ARK2C: variants seen among roughly 807,000 people sequenced by gnomAD.
ARK2C encodes arkadia (RNF111) C-terminal like ring finger ubiquitin ligase 2C.
chr18:46,336,891 AT>A, the ARK2C span: 4 of 985,426 alleles, frequency 4.1e-6, no homozygotes, highest in Non-Finnish European at 4.8e-6. Context: ...TATTAAAAAA[AT>A]CTTTGATGAA....
chr18:46,453,250 A>G, the ARK2C span, among the ~76,000 whole-genome samples: 1 of 152,250 alleles, frequency 6.6e-6, no homozygotes, highest in Non-Finnish European at 1.5e-5. Context: ...GGTGTCATCT[A>G]CAGGGGAAAA....
the ARK2C span, among the ~76,000 whole-genome samples, chr18:46,442,639 G>C: frequency 2.0e-5 from 3 of 152,206 alleles, no homozygotes; most frequent in East Asian, 5.8e-4. Context: ...TTATTGGATA[G>C]AGTATTCTAT....
chr18:46,401,872 C>A, the ARK2C span, among the ~76,000 whole-genome samples: 1 of 152,200 alleles, frequency 6.6e-6, no homozygotes, highest in South Asian at 2.1e-4. Context: ...AGGCTTCACA[C>A]TGGGAGGGAC....
the ARK2C span, chr18:46,456,950 G>T: frequency 8.0e-6 from 3 of 373,610 alleles, no homozygotes; most frequent in Non-Finnish European, 1.5e-5. Flanking sequence ...GAAGGCACTA[G>T]CTGACAGACG....
the ARK2C span, among the ~76,000 whole-genome samples, chr18:46,398,961 T>C: frequency 2.6e-5 from 4 of 152,154 alleles, no homozygotes; most frequent in African/African-American, 9.7e-5. Flanking sequence ...CAGGGAGCTC[T>C]TGTTAAAGGG....
At chr18:46,368,089 TA>T in the ARK2C span, among the ~76,000 whole-genome samples, 1 of 152,194 alleles carries the variant, frequency 6.6e-6, no homozygotes, top group Admixed American at 6.5e-5. Context: ...TCCACGTGGG[TA>T]ATTGTGATGC....
chr18:46,395,470 T>A, the ARK2C span, among the ~76,000 whole-genome samples: 1 of 152,230 alleles, frequency 6.6e-6, no homozygotes, highest in East Asian at 1.9e-4. Context: ...CTTCTGTGCA[T>A]ATATCATCAC....
the ARK2C span, among the ~76,000 whole-genome samples, chr18:46,341,089 C>T: frequency 2.0e-5 from 3 of 152,150 alleles, no homozygotes; most frequent in African/African-American, 7.2e-5. Flanking sequence ...GGATCATTGT[C>T]CTGTCTTTGA....
At chr18:46,463,060 T>A in the ARK2C span, 8 of 152,396 alleles carry the variant, frequency 5.2e-5, no homozygotes, top group African/African-American at 1.7e-4. Context: ...TTAGGAATTG[T>A]GTAAATGCTT....
At chr18:46,447,780 T>C in the ARK2C span, 37 of 1,496,834 alleles carry the variant, frequency 2.5e-5, no homozygotes, top group East Asian at 8.4e-4. Context: ...GGCTGCTACA[T>C]GGCCTGGCTC....
chr18:46,409,881 T>G, the ARK2C span, among the ~76,000 whole-genome samples: 1 of 152,226 alleles, frequency 6.6e-6, no homozygotes, highest in Non-Finnish European at 1.5e-5. Flanking sequence ...TTCCAGTCTT[T>G]TGTACTTACC....
the ARK2C span, chr18:46,433,498 C>T: frequency 8.1e-6 from 13 of 1,605,450 alleles, no homozygotes; most frequent in South Asian, 1.1e-5. Context: ...GCTGGTCTCG[C>T]ACCCCAGGTT....
the ARK2C span, among the ~76,000 whole-genome samples, chr18:46,408,590 G>A: frequency 6.6e-6 from 1 of 152,228 alleles, no homozygotes; most frequent in Non-Finnish European, 1.5e-5. Flanking sequence ...CACATCATGG[G>A]AACTGTGGGG....
the ARK2C span, among the ~76,000 whole-genome samples, chr18:46,363,834 C>A: frequency 6.6e-6 from 1 of 152,094 alleles, no homozygotes; most frequent in South Asian, 2.1e-4. Flanking sequence ...TTCATAGGGG[C>A]CACCGTTGAG....
the ARK2C span, among the ~76,000 whole-genome samples, chr18:46,373,811 C>T: frequency 6.6e-5 from 10 of 152,286 alleles, no homozygotes; most frequent in Admixed American, 2.6e-4. Flanking sequence ...TAGGCCAGAC[C>T]GTGCAGCCAG....
the ARK2C span, chr18:46,337,504 T>C: frequency 2.0e-6 from 2 of 985,414 alleles, no homozygotes; most frequent in Non-Finnish European, 2.4e-6. Flanking sequence ...ATCTGCTCAT[T>C]GTACGCTGCT....
At chr18:46,383,624 A>C in the ARK2C span, among the ~76,000 whole-genome samples, 104 of 137,806 alleles carry the variant, frequency 7.5e-4, no homozygotes, top group African/African-American at 2.5e-3. Flanking sequence ...GTGCGATCTC[A>C]GCTCACTGCA....
At chr18:46,369,990 G>A in the ARK2C span, among the ~76,000 whole-genome samples, 20 of 152,116 alleles carry the variant, frequency 1.3e-4, no homozygotes, top group African/African-American at 2.2e-4. Context: ...CTAGACTTGG[G>A]AATGATTCTG....
chr18:46,368,083 C>T, the ARK2C span, among the ~76,000 whole-genome samples: 3 of 152,166 alleles, frequency 2.0e-5, no homozygotes, highest in Non-Finnish European at 4.4e-5. Flanking sequence ...TGAGACTCCA[C>T]GTGGGTAATT....
Sources: gnomAD v4.1 joint callset for allele counts (sites outside exome capture counted in the v4.1 genomes callset) on GRCh38, gnomAD v4.1.1 for gene constraint, MANE v1.5 for transcripts, NCBI Gene and HGNC (gene_info 2026-07-23, HGNC 2026-07-21) for gene names.